The following SLC13A4 variants were observed in gnomAD, a reference collection of about 807,000 sequenced individuals.
SLC13A4 encodes the protein Na(+)/sulfate cotransporter SUT-1.
A neutral mutation model predicts 72.7 loss-of-function variants in SLC13A4; 28 were observed. The ratio of observed to expected loss-of-function variants is 0.39; its 90% CI spans 0.29 to 0.53. SLC13A4 has a LOEUF of 0.53. Among genes scored for constraint, SLC13A4 ranks in the 20% least tolerant of loss-of-function variants. The pLI is 0.78. For missense variants in SLC13A4, 653 were observed against 788.0 expected (o/e 0.83, Z 2.05); for synonymous variants, 312 against 325.5 (o/e 0.96, Z 0.45).
chr7:135,684,012 A>C, intron 15 of SLC13A4, 112 bp downstream of exon 15: 1 of 1,276,562 alleles, frequency 7.8e-7, no homozygotes, highest in Non-Finnish European at 1.1e-6. Flanking sequence ...TGGGTTTAGC[A>C]TTGACAGGCC....
At chr7:135,692,263 G>A in intron 11 of SLC13A4, 60 bp downstream of exon 11, 1 of 1,196,508 alleles carries the variant, frequency 8.4e-7, no homozygotes, top group Non-Finnish European at 1.2e-6. Context: ...AGTCTATGAA[G>A]TCTTGCCTGA....
chr7:135,720,554 TAAAAAAA>T (rs33993859), intron 2 of SLC13A4, among the ~76,000 whole-genome samples: 32 of 124,244 alleles, frequency 2.6e-4, no homozygotes, highest in African/African-American at 9.5e-4. Context: ...GCTTTTTCAT[TAAAAAAA>T]AAAAAAAAAA....
intron 8 of SLC13A4, among the ~76,000 whole-genome samples, chr7:135,696,737 A>C (rs1052407280): frequency 6.6e-6 from 1 of 152,030 alleles, no homozygotes; most frequent in South Asian, 2.1e-4. Flanking sequence ...TTAGTCCTCA[A>C]CTCACCAGAA....
At chr7:135,700,366 T>G (rs998857695) in intron 7 of SLC13A4, among the ~76,000 whole-genome samples, 1 of 152,182 alleles carries the variant, frequency 6.6e-6, no homozygotes, top group African/African-American at 2.4e-5. Context: ...CCACCTTCAC[T>G]GATTCTTCAT....
At chr7:135,689,488 A>G (rs192945448) in intron 13 of SLC13A4, among the ~76,000 whole-genome samples, 298 of 152,296 alleles carry the variant, frequency 2.0e-3, no homozygotes, top group African/African-American at 6.8e-3. Flanking sequence ...CTTGGGTAAT[A>G]TAACTACTCT....
intron 4 of SLC13A4, 41 bp downstream of exon 4, chr7:135,706,087 G>A (rs1796154027): frequency 6.5e-7 from 1 of 1,538,016 alleles, no homozygotes; most frequent in Admixed American, 1.8e-5. Context: ...CCCAGGGGAG[G>A]TTGGAGGAGC....
chr7:135,705,699 G>A (rs1230770385), intron 4 of SLC13A4, 49 bp from the exon 5 acceptor site: 3 of 1,557,374 alleles, frequency 1.9e-6, no homozygotes, highest in Admixed American at 3.3e-5. Context: ...GGCTGGGGCT[G>A]ACCCTGTGGG....
chr7:135,697,243 T>G (rs1316470839), intron 8 of SLC13A4, among the ~76,000 whole-genome samples: 2 of 152,262 alleles, frequency 1.3e-5, no homozygotes, highest in East Asian at 1.9e-4. Flanking sequence ...AATCTATGCC[T>G]TCAGCCTAAG....
intron 2 of SLC13A4, among the ~76,000 whole-genome samples, chr7:135,715,411 GTGTGTATGA>G (rs1796408716): frequency 1.0e-5 from 1 of 96,348 alleles, no homozygotes; most frequent in African/African-American, 4.4e-5. Flanking sequence ...GTGTATGAGT[GTGTGTATGA>G]GTGTGTGAGC....
At position 135,681,621 on chromosome 7, in the gene SLC13A4, A is replaced by G; in HGVS notation, c.1826T>C (p.Phe609Ser). The change falls in exon 16 of 16, where the codon TTC becomes TCC. Residue 609 changes from phenylalanine to serine, a missense_variant. Coordinates refer to ENST00000682651, the MANE Select transcript of SLC13A4 (RefSeq NM_001318192.2). ...CCATGCTGGGTAAGTGTCCAGGTGG[A>G]AGAGGCTAACTCCCCAGGTGTTGAT... The part of the protein sequence containing the change: ...VAINTWGVSL[F>S]HLDTYPAWAR... 1 of 1,614,162 alleles carries G rather than the reference A, an allele frequency of 6.2e-7. No individual in the cohort carries two copies. Among genetic ancestry groups the G allele is most frequent in the Non-Finnish European group, 8.5e-7 (1 of 1,180,010 alleles).
intron 13 of SLC13A4, among the ~76,000 whole-genome samples, chr7:135,689,780 A>T (rs969152548): frequency 6.6e-6 from 1 of 152,124 alleles, no homozygotes; most frequent in African/African-American, 2.4e-5. Flanking sequence ...CATGGAGGGG[A>T]ATCTCACCAT....
chr7:135,726,643 G>T (rs1162668562), intron 1 of SLC13A4, among the ~76,000 whole-genome samples: 1 of 152,212 alleles, frequency 6.6e-6, no homozygotes, highest in Non-Finnish European at 1.5e-5. Context: ...CAGAGCTGAG[G>T]TTCCTCTGTT....
intron 2 of SLC13A4, among the ~76,000 whole-genome samples, chr7:135,715,369 ATGAG>A (rs1170636518): frequency 1.0e-5 from 1 of 95,266 alleles, no homozygotes; most frequent in African/African-American, 4.6e-5. Flanking sequence ...GTGTATGTGT[ATGAG>A]TGTGTGAGTG....
rs202226956 is a variant in SLC13A4 at position 135,702,907 on chromosome 7, G to C, written c.594-23C>G. On this transcript the variant is annotated intron_variant, in intron 5 of 15. Transcript: ENST00000682651. ...CTGCTGGAACCAAGCAGAGGACACA[G>C]GAGCCACGTCAGTGAGGCCGACTCT... is the stretch of plus-strand genomic sequence containing the variant. The C allele has an allele frequency of 2.4e-5, 38 of 1,606,442 alleles. No individual in the cohort carries two copies. The African/African-American group carries it at 2.7e-4, about 11-fold the overall frequency.
At chr7:135,724,936 A>G (rs573378605) in intron 1 of SLC13A4, among the ~76,000 whole-genome samples, 40 of 152,354 alleles carry the variant, frequency 2.6e-4, no homozygotes, top group Non-Finnish European at 5.4e-4. Flanking sequence ...CCCAACGCCT[A>G]TCCCATGTCT....
At chr7:135,709,427 A>T (rs74423472) in intron 2 of SLC13A4, among the ~76,000 whole-genome samples, 17 of 22,682 alleles carry the variant, frequency 7.5e-4, no homozygotes, top group African/African-American at 2.7e-3. Flanking sequence ...TTTTTTTTTA[A>T]AAAAAAATTT....
intron 13 of SLC13A4, among the ~76,000 whole-genome samples, chr7:135,688,613 A>G (rs1039649158): frequency 6.6e-6 from 1 of 152,202 alleles, no homozygotes; most frequent in Non-Finnish European, 1.5e-5. Flanking sequence ...ATTTTATACT[A>G]TGATTTGAAA....
intron 15 of SLC13A4, among the ~76,000 whole-genome samples, chr7:135,682,435 A>G (rs554274278): frequency 6.6e-6 from 1 of 152,382 alleles, no homozygotes; most frequent in African/African-American, 2.4e-5. Flanking sequence ...AACCAGGCAT[A>G]TAGCATGTAG....
At chr7:135,721,564 C>A in intron 1 of SLC13A4, 41 bp from the exon 2 acceptor site, 1 of 1,610,400 alleles carries the variant, frequency 6.2e-7, no homozygotes, top group South Asian at 1.1e-5. Context: ...CAGGAATAGT[C>A]ACTGCCACTG....
Sources: allele counts gnomAD v4.1 joint callset (sites outside exome capture counted in the v4.1 genomes callset), GRCh38; gene constraint gnomAD v4.1.1; transcripts MANE v1.5; gene names NCBI Gene and HGNC (gene_info 2026-07-23, HGNC 2026-07-21).